The following FNDC3A variants were observed in gnomAD, a reference collection of about 807,000 sequenced individuals.
The protein encoded by FNDC3A is fibronectin type-III domain-containing protein 3A.
Under a neutral mutation model 148.9 loss-of-function variants are expected in FNDC3A, and 32 were observed. The ratio of observed to expected loss-of-function variants is 0.21; its 90% CI spans 0.16 to 0.29. The LOEUF (loss-of-function observed/expected upper bound fraction) is 0.29, where lower values mean the gene tolerates loss of function less well. Ranked by LOEUF, FNDC3A falls within the 10% of genes least tolerant of loss-of-function variation. The pLI is 1.00. For synonymous variants in FNDC3A, 472 were observed against 473.6 expected (o/e 1.00, Z 0.04); for missense variants, 1,191 against 1,452.8 (o/e 0.82, Z 2.93).
intron 3 of FNDC3A, among the ~76,000 whole-genome samples, chr13:49,107,994 C>G (rs1394736896): frequency 4.6e-5 from 7 of 151,856 alleles, no homozygotes; most frequent in African/African-American, 1.5e-4. Context: ...AGTGTTGGAT[C>G]AGGAGAAAAG....
intron 8 of FNDC3A, among the ~76,000 whole-genome samples, chr13:49,158,253 C>A (rs925486075): frequency 6.6e-6 from 1 of 152,176 alleles, no homozygotes; most frequent in East Asian, 1.9e-4. Context: ...GTCGGAGAAG[C>A]GCAATATTCG....
At chr13:49,173,287 CAAGTAG>C (rs1884858114) in intron 11 of FNDC3A, among the ~76,000 whole-genome samples, 1 of 152,178 alleles carries the variant, frequency 6.6e-6, no homozygotes, top group Non-Finnish European at 1.5e-5. Flanking sequence ...AAAGCACAAC[CAAGTAG>C]ATTTTATTCC....
At chr13:49,192,960 CATT>C (rs1486379610) in intron 19 of FNDC3A, among the ~76,000 whole-genome samples, 5 of 152,172 alleles carry the variant, frequency 3.3e-5, no homozygotes, top group Non-Finnish European at 7.4e-5. Flanking sequence ...GAAGCTTTGT[CATT>C]ATTTTGTTGT....
intron 19 of FNDC3A, among the ~76,000 whole-genome samples, chr13:49,196,038 C>T (rs1370948842): frequency 1.4e-5 from 2 of 142,538 alleles, no homozygotes; most frequent in South Asian, 4.5e-4. Flanking sequence ...TGCACCACTG[C>T]ACTCCTGCAG....
chr13:49,178,659 G>A lies in FNDC3A; in HGVS notation c.1617+5G>A, dbSNP rs1275286300. 1.6e-5 allele frequency: 24 copies of A among 1,493,432 alleles called. No homozygotes were observed. Among genetic ancestry groups the A allele is most frequent in the Non-Finnish European group, 2.2e-5 (24 of 1,098,516 alleles). 92.5% of individuals were successfully genotyped at this position (1,493,432 alleles called of 1,614,324 possible). A position where few individuals can be genotyped will look rare whatever the true frequency, so the allele number is the denominator to read the frequency against. ...AGTACTAAGTATAAATTTAAGGTAA[G>A]CTTTGAAAACCCTTAAACGATTTGT... On this transcript the variant is annotated splice_donor_5th_base_variant and intron_variant, in intron 14 of 25. Coordinates refer to ENST00000492622, the MANE Select transcript of FNDC3A (RefSeq NM_001079673.2).
intron 3 of FNDC3A, among the ~76,000 whole-genome samples, chr13:49,110,785 CCT>C (rs1258615715): frequency 6.6e-6 from 1 of 152,008 alleles, no homozygotes; most frequent in African/African-American, 2.4e-5. Context: ...TTAAAAAAAA[CCT>C]CTTAAATATG....
intron 4 of FNDC3A, among the ~76,000 whole-genome samples, chr13:49,120,594 C>A (rs761579426): frequency 6.6e-6 from 1 of 151,692 alleles, no homozygotes; most frequent in Non-Finnish European, 1.5e-5. Flanking sequence ...TTCAGGAGAC[C>A]CATCTCACAT....
intron 4 of FNDC3A, among the ~76,000 whole-genome samples, chr13:49,115,442 G>A (rs1036928974): frequency 2.6e-5 from 4 of 152,090 alleles, no homozygotes; most frequent in African/African-American, 9.7e-5. Flanking sequence ...TTTTTCTTCA[G>A]GCCCTCTGTT....
chr13:49,022,468 A>G (rs1248576303), intron 2 of FNDC3A, among the ~76,000 whole-genome samples: 3 of 152,176 alleles, frequency 2.0e-5, no homozygotes, highest in Non-Finnish European at 4.4e-5. Context: ...AAAACTTTAA[A>G]AAGTGCTCAC....
intron 2 of FNDC3A, among the ~76,000 whole-genome samples, chr13:49,020,970 G>A (rs1358181275): frequency 2.0e-5 from 3 of 152,164 alleles, no homozygotes; most frequent in Middle Eastern, 3.4e-3. Flanking sequence ...GATCTGATTC[G>A]AACCAGAGAT....
At chr13:49,135,480 C>T (rs1325008151) in intron 5 of FNDC3A, among the ~76,000 whole-genome samples, 1 of 151,974 alleles carries the variant, frequency 6.6e-6, no homozygotes, top group Non-Finnish European at 1.5e-5. Flanking sequence ...TAATCTCTTA[C>T]ATTTGGGTCA....
At chr13:49,068,025 T>A (rs555510087) in intron 2 of FNDC3A, among the ~76,000 whole-genome samples, 1 of 152,204 alleles carries the variant, frequency 6.6e-6, no homozygotes, top group Non-Finnish European at 1.5e-5. Flanking sequence ...TCCTTCAGTC[T>A]ACTTTCAAAA....
chr13:49,131,086 G>T (rs1381133471), intron 4 of FNDC3A, 51 bp from the exon 5 acceptor site: 3 of 1,431,504 alleles, frequency 2.1e-6, no homozygotes, highest in African/African-American at 2.8e-5. Flanking sequence ...ATTTTTAAAA[G>T]AATTGTTTAT....
chr13:49,204,280 A>G (rs935913901), intron 25 of FNDC3A, among the ~76,000 whole-genome samples: 7 of 151,986 alleles, frequency 4.6e-5, no homozygotes, highest in Non-Finnish European at 1.0e-4. Flanking sequence ...CTTTTATACC[A>G]CTCCAAAGAC....
At chr13:49,115,562 T>C (rs764011463) in intron 4 of FNDC3A, among the ~76,000 whole-genome samples, 2 of 152,166 alleles carry the variant, frequency 1.3e-5, no homozygotes, top group Non-Finnish European at 2.9e-5. Flanking sequence ...AAGAGCGTGC[T>C]GGGAAGGAGA....
chr13:49,090,984 A>T (rs1317995584), intron 3 of FNDC3A, among the ~76,000 whole-genome samples: 1 of 152,168 alleles, frequency 6.6e-6, no homozygotes, highest in Admixed American at 6.5e-5. Flanking sequence ...ACATAGCAAG[A>T]CTCTGTCTCA....
intron 19 of FNDC3A, among the ~76,000 whole-genome samples, chr13:49,192,229 C>G (rs1227760657): frequency 6.6e-6 from 1 of 152,188 alleles, no homozygotes; most frequent in East Asian, 1.9e-4. Context: ...GTGAACTATA[C>G]TATATTTCAA....
At chr13:49,079,765 GGGGACTGGGGAAGAATCACTGT>G (rs1235272109) in intron 3 of FNDC3A, among the ~76,000 whole-genome samples, 3 of 152,144 alleles carry the variant, frequency 2.0e-5, no homozygotes, top group Admixed American at 6.6e-5. Context: ...AAAAAAAGGT[GGGGACTGGGGAAGAATCACTGT>G]GGGCCAGAAA....
chr13:49,045,761 C>T, intron 2 of FNDC3A: 1 of 629,490 alleles, frequency 1.6e-6, no homozygotes, highest in Non-Finnish European at 2.7e-6. Flanking sequence ...TTGATTTTGA[C>T]AGCATAGCAT....
Sources: allele counts gnomAD v4.1 joint callset (sites outside exome capture counted in the v4.1 genomes callset), GRCh38; gene constraint gnomAD v4.1.1; transcripts MANE v1.5; gene names NCBI Gene and HGNC (gene_info 2026-07-23, HGNC 2026-07-21).